The following ZNF385C variants were observed in gnomAD, a reference collection of about 807,000 sequenced individuals.
ZNF385C encodes zinc finger protein 385C.
Under a neutral mutation model 35.4 loss-of-function variants are expected in ZNF385C, and 28 were observed. That is an observed-to-expected ratio of 0.79 (90% confidence interval 0.59 to 1.08). The LOEUF is 1.08. Ranked by LOEUF, ZNF385C falls within the 50% of genes least tolerant of loss-of-function variation. ZNF385C has a pLI of 0.00. For synonymous variants in ZNF385C, 248 were observed against 248.2 expected (o/e 1.00, Z 0.01); for missense variants, 605 against 595.6 (o/e 1.02, Z -0.16).
intron 1 of ZNF385C, among the ~76,000 whole-genome samples, chr17:42,090,112 T>C (rs2053849273): frequency 1.3e-5 from 2 of 152,056 alleles, no homozygotes; most frequent in Non-Finnish European, 2.9e-5. Context: ...TCCCCTCACT[T>C]GGGAGCTTTC....
chr17:42,082,585 A>C (rs1219283821), intron 1 of ZNF385C, among the ~76,000 whole-genome samples: 1 of 152,164 alleles, frequency 6.6e-6, no homozygotes, highest in Non-Finnish European at 1.5e-5. Context: ...GACAGTGTAC[A>C]ATTATGTTTC....
At chr17:42,052,245 C>A (rs2053296206) in intron 2 of ZNF385C, among the ~76,000 whole-genome samples, 1 of 152,168 alleles carries the variant, frequency 6.6e-6, no homozygotes, top group African/African-American at 2.4e-5. Context: ...GAGCAGAAAT[C>A]TTATGAAATA....
chr17:42,093,508 C>T (rs1324488211), intron 1 of ZNF385C, among the ~76,000 whole-genome samples: 1 of 152,108 alleles, frequency 6.6e-6, no homozygotes, highest in Admixed American at 6.6e-5. Flanking sequence ...GCCGAAACCC[C>T]GGAGTTCTCA....
chr17:42,032,056 G>T (rs960894213), intron 4 of ZNF385C, among the ~76,000 whole-genome samples: 1 of 152,052 alleles, frequency 6.6e-6, no homozygotes, highest in Non-Finnish European at 1.5e-5. Flanking sequence ...TGTTGTTGTT[G>T]TTGTTTTTGT....
At chr17:42,047,340 T>C (rs1374521313) in intron 2 of ZNF385C, among the ~76,000 whole-genome samples, 1 of 151,912 alleles carries the variant, frequency 6.6e-6, no homozygotes, top group Non-Finnish European at 1.5e-5. Flanking sequence ...CCCCGGCTAA[T>C]TTTTTTGAAT....
intron 8 of ZNF385C, 91 bp downstream of exon 8, chr17:42,027,527 C>T (rs1220690737): frequency 3.4e-6 from 4 of 1,163,916 alleles, no homozygotes; most frequent in African/African-American, 3.1e-5. Context: ...GGCCTCTTTT[C>T]CTGCCCCACC....
intron 1 of ZNF385C, among the ~76,000 whole-genome samples, chr17:42,077,536 A>G (rs1413278803): frequency 1.3e-5 from 2 of 152,188 alleles, no homozygotes; most frequent in African/African-American, 4.8e-5. Flanking sequence ...GCCTTTCCCA[A>G]ATGTTCAATA....
intron 1 of ZNF385C, among the ~76,000 whole-genome samples, chr17:42,088,929 G>A (rs540369294): frequency 7.9e-5 from 12 of 152,026 alleles, no homozygotes; most frequent in East Asian, 1.9e-4. Flanking sequence ...GGCCTCAAGC[G>A]ATCCTCCCGC....
intron 2 of ZNF385C, among the ~76,000 whole-genome samples, chr17:42,058,695 G>GC (rs1567991613): frequency 6.6e-6 from 1 of 152,108 alleles, no homozygotes; most frequent in Non-Finnish European, 1.5e-5. Context: ...AGTCTCTATC[G>GC]CCCAGGCTAG....
intron 2 of ZNF385C, among the ~76,000 whole-genome samples, chr17:42,044,541 G>A (rs1249780094): frequency 6.6e-6 from 1 of 151,928 alleles, no homozygotes. Flanking sequence ...GCTTGAACCC[G>A]GGAGGCGGAG....
At chr17:42,041,119 A>C (rs1598185246) in intron 2 of ZNF385C, 1 of 1,232,098 alleles carries the variant, frequency 8.1e-7, no homozygotes, top group African/African-American at 1.6e-5. Flanking sequence ...CTCGTCCAAC[A>C]CCAGCCCCAC....
chr17:42,072,760 G>A (rs1038305734), intron 1 of ZNF385C, among the ~76,000 whole-genome samples: 3 of 152,142 alleles, frequency 2.0e-5, no homozygotes, highest in African/African-American at 4.8e-5. Context: ...GCGGGAGAGG[G>A]GCTCAGCGGT....
At chr17:42,057,882 G>A (rs1255648210) in intron 2 of ZNF385C, among the ~76,000 whole-genome samples, 8 of 151,996 alleles carry the variant, frequency 5.3e-5, no homozygotes, top group African/African-American at 1.9e-4. Flanking sequence ...AGTGGAGGTT[G>A]CAATGAGTTG....
intron 1 of ZNF385C, among the ~76,000 whole-genome samples, chr17:42,084,871 C>G (rs1476713604): frequency 2.6e-5 from 4 of 152,188 alleles, no homozygotes; most frequent in Admixed American, 6.6e-5. Context: ...CCCACCTCAG[C>G]CTCCCAGAGT....
At chr17:42,093,757 C>A (rs1437809766) in intron 1 of ZNF385C, among the ~76,000 whole-genome samples, 2 of 151,524 alleles carry the variant, frequency 1.3e-5, no homozygotes, top group East Asian at 3.9e-4. Context: ...ATTTTTTGTA[C>A]TTTTTTAGCA....
chr17:42,048,769 C>T (rs1229717119), intron 2 of ZNF385C, among the ~76,000 whole-genome samples: 1 of 152,126 alleles, frequency 6.6e-6, no homozygotes, highest in African/African-American at 2.4e-5. Flanking sequence ...GCGGCCTTGT[C>T]CAGGCCACCT....
At chr17:42,062,704 AC>A (rs1555658092) in intron 2 of ZNF385C, 102 bp downstream of exon 2, 2 of 429,548 alleles carry the variant, frequency 4.7e-6, no homozygotes, top group Middle Eastern at 5.9e-4. Context: ...AGACGCAAAG[AC>A]CCCCATGGAG....
chr17:42,068,756 T>C (rs2053583305), intron 1 of ZNF385C, among the ~76,000 whole-genome samples: 1 of 152,228 alleles, frequency 6.6e-6, no homozygotes, highest in South Asian at 2.1e-4. Flanking sequence ...GTTCTGTGGC[T>C]GGACCTGGAC....
intron 1 of ZNF385C, among the ~76,000 whole-genome samples, chr17:42,071,532 C>T (rs1251292691): frequency 6.6e-6 from 1 of 152,172 alleles, no homozygotes; most frequent in African/African-American, 2.4e-5. Context: ...GGAAGGAAGT[C>T]CTTCTTGCTG....
Sources: allele counts gnomAD v4.1 joint callset (sites outside exome capture counted in the v4.1 genomes callset), GRCh38; gene constraint gnomAD v4.1.1; transcripts MANE v1.5; gene names NCBI Gene and HGNC (gene_info 2026-07-23, HGNC 2026-07-21).